The following CMSS1 variants were observed in gnomAD, a reference collection of about 807,000 sequenced individuals.
CMSS1 encodes the protein cms1 ribosomal small subunit homolog.
Under a neutral mutation model 43.5 loss-of-function variants are expected in CMSS1, and 33 were observed. That is an observed-to-expected ratio of 0.76 (90% confidence interval 0.57 to 1.01). The LOEUF is 1.01. CMSS1 is among the 50% of genes least tolerant of loss of function. CMSS1 has a pLI of 0.00. For synonymous variants in CMSS1, 115 were observed against 117.2 expected, an observed-to-expected ratio of 0.98 and a Z score of 0.12; for missense variants, 313 against 326.4, an observed-to-expected ratio of 0.96 and a Z score of 0.32.
At chr3:99,830,875 C>T (rs1942648886) in intron 1 of CMSS1, among the ~76,000 whole-genome samples, 1 of 152,128 alleles carries the variant, frequency 6.6e-6, no homozygotes, top group East Asian at 1.9e-4. Flanking sequence ...TGTAGTAGGA[C>T]ATATACAAGA....
chr3:100,018,671 G>A (rs1710414029), intron 1 of CMSS1, among the ~76,000 whole-genome samples: 1 of 147,826 alleles, frequency 6.8e-6, no homozygotes, highest in Non-Finnish European at 1.5e-5. Context: ...TGATATCAAA[G>A]CACAGGCAAC....
intron 1 of CMSS1, among the ~76,000 whole-genome samples, chr3:99,904,866 C>T (rs538584657): frequency 5.1e-4 from 77 of 152,304 alleles, no homozygotes; most frequent in African/African-American, 1.5e-3. Flanking sequence ...CAGTCCTTGG[C>T]AAACCTCTTG....
intron 1 of CMSS1, among the ~76,000 whole-genome samples, chr3:100,141,943 TC>T (rs2066808977): frequency 1.3e-5 from 2 of 152,256 alleles, no homozygotes; most frequent in Admixed American, 1.3e-4. Flanking sequence ...CTAGATTGGG[TC>T]CCCATACTTT....
chr3:100,063,970 C>T (rs2065617215), intron 1 of CMSS1, among the ~76,000 whole-genome samples: 1 of 152,198 alleles, frequency 6.6e-6, no homozygotes, highest in South Asian at 2.1e-4. Flanking sequence ...CCCATTGGTG[C>T]CAGTACTGAA....
chr3:100,092,595 T>C (rs148115725), intron 1 of CMSS1, among the ~76,000 whole-genome samples: 1 of 150,056 alleles, frequency 6.7e-6, no homozygotes, highest in Non-Finnish European at 1.5e-5. Flanking sequence ...GGAAGGCCAC[T>C]AGTTATGAGG....
intron 1 of CMSS1, among the ~76,000 whole-genome samples, chr3:99,879,976 T>C (rs1408146556): frequency 6.6e-6 from 1 of 152,154 alleles, no homozygotes; most frequent in African/African-American, 2.4e-5. Flanking sequence ...CACCCCACGC[T>C]ACCTTCTACC....
At chr3:100,153,889 C>T (rs1478455431) in intron 2 of CMSS1, among the ~76,000 whole-genome samples, 3 of 148,566 alleles carry the variant, frequency 2.0e-5, no homozygotes, top group Non-Finnish European at 3.0e-5. Flanking sequence ...CTTGCTCTGT[C>T]GCCCAGGCTG....
At chr3:100,126,550 G>A (rs77091434) in intron 1 of CMSS1, among the ~76,000 whole-genome samples, 220 of 152,198 alleles carry the variant, frequency 1.4e-3, no homozygotes, top group Non-Finnish European at 2.7e-3. Context: ...ATAAGTCTTG[G>A]ATTAATTTCA....
At chr3:100,140,404 T>C (rs1441456336) in intron 1 of CMSS1, among the ~76,000 whole-genome samples, 3 of 152,164 alleles carry the variant, frequency 2.0e-5, no homozygotes, top group Non-Finnish European at 2.9e-5. Flanking sequence ...TCTATAGTTT[T>C]GCCCTTTCTA....
intron 1 of CMSS1, among the ~76,000 whole-genome samples, chr3:100,138,711 A>G (rs1363717029): frequency 6.6e-6 from 1 of 152,228 alleles, no homozygotes; most frequent in East Asian, 1.9e-4. Context: ...AAGGCTGTGG[A>G]GAAATAAAAA....
intron 1 of CMSS1, among the ~76,000 whole-genome samples, chr3:99,940,857 T>A (rs1414272818): frequency 1.3e-5 from 2 of 152,222 alleles, no homozygotes; most frequent in Non-Finnish European, 2.9e-5. Context: ...TTTCCATCTT[T>A]ACATTCCAAC....
chr3:99,940,263 G>A (rs914600847), intron 1 of CMSS1, among the ~76,000 whole-genome samples: 5 of 152,166 alleles, frequency 3.3e-5, no homozygotes, highest in African/African-American at 1.2e-4. Context: ...GTCCAAGTTA[G>A]GTTTAAATGC....
chr3:100,062,093 C>CTTCTTTTTT (rs2065577734), intron 1 of CMSS1, among the ~76,000 whole-genome samples: 1 of 53,154 alleles, frequency 1.9e-5, no homozygotes, highest in South Asian at 5.9e-4. Context: ...CTGTCTTCTT[C>CTTCTTTTTT]TTTTTTTTTT....
chr3:99,848,667 C>G, intron 1 of CMSS1: 1 of 1,614,186 alleles, frequency 6.2e-7, no homozygotes, highest in Non-Finnish European at 8.5e-7. Context: ...CAGCCAAAAC[C>G]TGAATAGGGG....
chr3:100,164,326 G>A (rs937916632), intron 4 of CMSS1, among the ~76,000 whole-genome samples: 10 of 152,206 alleles, frequency 6.6e-5, no homozygotes, highest in African/African-American at 2.2e-4. Flanking sequence ...GGAAGGATTT[G>A]TGAGCAGTGG....
intron 1 of CMSS1, among the ~76,000 whole-genome samples, chr3:99,955,310 C>T (rs1708290951): frequency 6.6e-6 from 1 of 152,158 alleles, no homozygotes; most frequent in Non-Finnish European, 1.5e-5. Context: ...TTGTAAATGA[C>T]AAGGAGTATA....
intron 1 of CMSS1, among the ~76,000 whole-genome samples, chr3:100,012,942 T>C (rs774793053): frequency 2.0e-5 from 3 of 151,936 alleles, no homozygotes; most frequent in Non-Finnish European, 4.4e-5. Flanking sequence ...CCAACCAATT[T>C]TTTATTTTAT....
chr3:100,020,112 G>A (rs1308832408), intron 1 of CMSS1, among the ~76,000 whole-genome samples: 1 of 152,082 alleles, frequency 6.6e-6, no homozygotes, highest in Non-Finnish European at 1.5e-5. Context: ...CATATACCTT[G>A]TAATTTTATT....
chr3:99,861,705 G>A (rs1944264669), intron 1 of CMSS1, among the ~76,000 whole-genome samples: 1 of 152,152 alleles, frequency 6.6e-6, no homozygotes, highest in South Asian at 2.1e-4. Context: ...GCAGAGGGCA[G>A]GTGGAATGAC....
Sources: allele counts gnomAD v4.1 joint callset (sites outside exome capture counted in the v4.1 genomes callset), GRCh38; gene constraint gnomAD v4.1.1; transcripts MANE v1.5; gene names NCBI Gene and HGNC (gene_info 2026-07-23, HGNC 2026-07-21).